The following PTPRN2 variants were observed in gnomAD, a reference collection of about 807,000 sequenced individuals.
PTPRN2 encodes receptor-type tyrosine-protein phosphatase N2.
In PTPRN2, 74 loss-of-function variants were observed where a neutral mutation model predicts 118.8. The ratio of observed to expected loss-of-function variants is 0.62; its 90% CI spans 0.52 to 0.76. The LOEUF is 0.76. Among genes scored for constraint, PTPRN2 ranks in the 30% least tolerant of loss-of-function variants. PTPRN2 has a pLI of 0.00. For synonymous variants in PTPRN2, 641 were observed against 608.0 expected (o/e 1.05, Z -0.80); for missense variants, 1,481 against 1,394.4 (o/e 1.06, Z -0.99).
intron 13 of PTPRN2, among the ~76,000 whole-genome samples, chr7:157,657,008 ACGC>A (rs1795521742): frequency 7.3e-6 from 1 of 136,944 alleles, no homozygotes; most frequent in African/African-American, 2.8e-5. Flanking sequence ...ACACACACAT[ACGC>A]CACACACACA....
intron 1 of PTPRN2, among the ~76,000 whole-genome samples, chr7:158,524,199 A>G (rs1368780096): frequency 1.0e-4 from 3 of 30,038 alleles, no homozygotes; most frequent in Admixed American, 4.3e-4. Context: ...GGAGTCGTCT[A>G]CCCTGGAGTG....
chr7:158,236,514 G>C (rs988370184), intron 3 of PTPRN2, among the ~76,000 whole-genome samples: 31 of 152,198 alleles, frequency 2.0e-4, no homozygotes, highest in African/African-American at 5.5e-4. Context: ...CCTGGCGTCT[G>C]TGGGGTGGGG....
chr7:158,306,218 A>T (rs1801272806), intron 3 of PTPRN2, among the ~76,000 whole-genome samples: 1 of 152,254 alleles, frequency 6.6e-6, no homozygotes, highest in Non-Finnish European at 1.5e-5. Flanking sequence ...GCTAACCAGA[A>T]AGCTTGAAGG....
intron 2 of PTPRN2, among the ~76,000 whole-genome samples, chr7:158,363,407 C>T (rs1214277334): frequency 6.6e-6 from 1 of 152,134 alleles, no homozygotes; most frequent in East Asian, 1.9e-4. Context: ...CCACTGCGAG[C>T]CCAATTTCGG....
intron 1 of PTPRN2, among the ~76,000 whole-genome samples, chr7:158,542,624 A>C (rs557193440): frequency 1.3e-5 from 2 of 152,206 alleles, no homozygotes; most frequent in African/African-American, 4.8e-5. Context: ...CAGCGGAGCA[A>C]CGCTCAACCC....
intron 12 of PTPRN2, among the ~76,000 whole-genome samples, chr7:157,765,780 C>T (rs902777247): frequency 6.6e-6 from 1 of 150,690 alleles, no homozygotes; most frequent in African/African-American, 2.4e-5. Flanking sequence ...TCCCACTCAT[C>T]CATCCATCCT....
chr7:157,924,044 G>C (rs1436512255), intron 11 of PTPRN2, among the ~76,000 whole-genome samples: 2 of 152,170 alleles, frequency 1.3e-5, no homozygotes, highest in Non-Finnish European at 2.9e-5. Flanking sequence ...GCAGACGGCA[G>C]GGATGGGACA....
intron 9 of PTPRN2, among the ~76,000 whole-genome samples, chr7:158,120,872 A>G (rs1338742365): frequency 6.6e-6 from 1 of 152,006 alleles, no homozygotes; most frequent in Non-Finnish European, 1.5e-5. Flanking sequence ...ACAAAGACAA[A>G]CTCAGGCTGC....
At chr7:158,443,422 C>T (rs191838628) in intron 2 of PTPRN2, among the ~76,000 whole-genome samples, 6 of 152,354 alleles carry the variant, frequency 3.9e-5, no homozygotes, top group Admixed American at 3.3e-4. Flanking sequence ...GGAGAACTGA[C>T]GAGACTGTTT....
At chr7:157,921,830 T>G (rs1370287165) in intron 11 of PTPRN2, among the ~76,000 whole-genome samples, 2 of 152,136 alleles carry the variant, frequency 1.3e-5, no homozygotes, top group African/African-American at 4.8e-5. Context: ...GCAACAAAAA[T>G]CCACCTAAGA....
At chr7:157,912,307 T>C (rs116913496) in intron 11 of PTPRN2, among the ~76,000 whole-genome samples, 311 of 152,376 alleles carry the variant, frequency 2.0e-3, no homozygotes, top group Admixed American at 4.1e-3. Flanking sequence ...TGTTTATTCA[T>C]CATTCATGCT....
chr7:158,492,160 G>C (rs1167669857), intron 1 of PTPRN2, among the ~76,000 whole-genome samples: 1 of 152,232 alleles, frequency 6.6e-6, no homozygotes, highest in Non-Finnish European at 1.5e-5. Flanking sequence ...GGAGCAGTAA[G>C]GATGTGACCA....
intron 12 of PTPRN2, among the ~76,000 whole-genome samples, chr7:157,889,246 C>T (rs1029139644): frequency 1.3e-5 from 2 of 151,452 alleles, no homozygotes; most frequent in South Asian, 4.2e-4. Flanking sequence ...TACCCGCCCC[C>T]ATCATTAATC....
intron 6 of PTPRN2, among the ~76,000 whole-genome samples, chr7:158,142,118 G>A (rs1290517795): frequency 6.6e-6 from 1 of 152,204 alleles, no homozygotes; most frequent in South Asian, 2.1e-4. Context: ...CCTGGGGGCT[G>A]CCCCTCCCAC....
Position 157,763,072 on chromosome 7 carries a change from G to A in PTPRN2, c.1789-80135C>T, listed in dbSNP as rs565486333. Among the ~76,000 whole-genome samples, 8 of 143,828 alleles carry A rather than the reference G, an allele frequency of 5.6e-5. No homozygotes were observed. The highest frequency in any genetic ancestry group is 2.1e-4 in the South Asian group (1 of 4,674). 94.4% of individuals were successfully genotyped at this position (143,828 alleles called of 152,430 possible). ...TAACCCTCCATCAGAGCCCACGGCC[G>A]CCCACTCATGGTCACAGAGCTAACC... On this transcript the variant is annotated intron_variant, in intron 12 of 22. Coordinates refer to ENST00000389418, the MANE Select transcript of PTPRN2 (RefSeq NM_002847.5). This position sits in a 1 kb window ranked among gnomAD's most constrained non-coding sequence, Gnocchi z 4.9.
At chr7:158,152,191 A>AAAAAAAAAAAAAAT (rs1554561530) in intron 6 of PTPRN2, among the ~76,000 whole-genome samples, 2 of 145,154 alleles carry the variant, frequency 1.4e-5, no homozygotes, top group Non-Finnish European at 1.5e-5. Context: ...AAAAAAAAAA[A>AAAAAAAAAAAAAAT]CCATGAATGC....
At chr7:157,558,799 G>A (rs1324229408) in intron 21 of PTPRN2, among the ~76,000 whole-genome samples, 3 of 152,190 alleles carry the variant, frequency 2.0e-5, no homozygotes, top group African/African-American at 7.2e-5. Context: ...CTGTAGGGCC[G>A]GCAGCTGCCT....
At chr7:157,875,360 G>A (rs566038429) in intron 12 of PTPRN2, among the ~76,000 whole-genome samples, 3 of 152,314 alleles carry the variant, frequency 2.0e-5, no homozygotes, top group East Asian at 3.9e-4. Context: ...ATCAGCGTCC[G>A]TATTCATGGT....
chr7:158,220,640 AAT>A (rs1828287623), intron 3 of PTPRN2, among the ~76,000 whole-genome samples: 2 of 152,260 alleles, frequency 1.3e-5, no homozygotes, highest in Admixed American at 1.3e-4. Context: ...AAAAGAATAA[AAT>A]ACCTAAGGTT....
Sources: gnomAD v4.1 joint callset for allele counts (sites outside exome capture counted in the v4.1 genomes callset) on GRCh38, gnomAD v4.1.1 for gene constraint, Gnocchi (gnomAD v3.1) non-coding constraint, MANE v1.5 for transcripts, NCBI Gene and HGNC (gene_info 2026-07-23, HGNC 2026-07-21) for gene names.